ESRRG: variants seen among roughly 807,000 people sequenced by gnomAD.
The protein encoded by ESRRG is estrogen-related receptor gamma.
A neutral mutation model predicts 44.0 loss-of-function variants in ESRRG; 13 were observed. The observed-to-expected ratio is 0.30, with a 90% CI of 0.19 to 0.47. The LOEUF (loss-of-function observed/expected upper bound fraction) is 0.47. Among genes scored for constraint, ESRRG ranks in the 20% least tolerant of loss-of-function variants. The pLI, the probability that ESRRG is intolerant of heterozygous loss-of-function variation, is 1.00. For synonymous variants in ESRRG, 215 were observed against 214.6 expected (o/e 1.00, Z -0.02); for missense variants, 395 against 580.6 (o/e 0.68, Z 3.29).
chr1:216,547,253 T>TTGATGATGATGATGA (rs55716294), intron 5 of ESRRG, among the ~76,000 whole-genome samples: 21 of 150,750 alleles, frequency 1.4e-4, no homozygotes, highest in African/African-American at 4.4e-4. Flanking sequence ...GTTGATGTTG[T>TTGATGATGATGATGA]TGATGATGAT....
chr1:217,058,459 TA>T (rs947649420), intron 1 of ESRRG, among the ~76,000 whole-genome samples: 3 of 152,110 alleles, frequency 2.0e-5, no homozygotes, highest in Non-Finnish European at 4.4e-5. Context: ...AACATCAGCA[TA>T]AGGACTGGCA....
chr1:216,633,992 T>A (rs144685670), intron 3 of ESRRG, among the ~76,000 whole-genome samples: 2 of 152,312 alleles, frequency 1.3e-5, no homozygotes, highest in African/African-American at 2.4e-5. Flanking sequence ...TAATTACAGT[T>A]ATTGATGACA....
rs547509738 is a variant in ESRRG, at chr1:216,741,104, T to C, written c.-13-63613A>G. Among the ~76,000 whole-genome samples the C allele has an allele frequency of 4.6e-5, 7 of 150,976 alleles. No individual in the cohort carries two copies. The East Asian group carries it at 1.2e-3, about 25-fold the overall frequency. On this transcript the variant is annotated intron_variant, in intron 2 of 7. Transcript: ENST00000359162. ...CCCCATATGGGAAGACTGTCCAACA[T>C]AATGGGATAGCATTGGATATAAAAA... is the stretch of plus-strand genomic sequence containing the variant.
chr1:217,008,497 ATAC>A (rs1026797035), intron 1 of ESRRG, among the ~76,000 whole-genome samples: 2 of 152,164 alleles, frequency 1.3e-5, no homozygotes, highest in African/African-American at 4.8e-5. Flanking sequence ...CATAGGCAAC[ATAC>A]TACATTTACT....
intron 3 of ESRRG, among the ~76,000 whole-genome samples, chr1:216,649,802 T>C (rs905387878): frequency 1.3e-5 from 2 of 152,134 alleles, no homozygotes; most frequent in Non-Finnish European, 2.9e-5. Flanking sequence ...TCCACTCATC[T>C]TCCTATAATA....
At chr1:217,093,306 A>G (rs1399759792), upstream of ESRRG, among the ~76,000 whole-genome samples, 1 of 152,156 alleles carries the variant, frequency 6.6e-6, no homozygotes, top group Non-Finnish European at 1.5e-5. Context: ...CTCCAAGCTT[A>G]CAAGTATGAC....
chr1:216,761,276 A>G (rs1018550103), intron 2 of ESRRG, among the ~76,000 whole-genome samples: 4 of 151,950 alleles, frequency 2.6e-5, no homozygotes, highest in African/African-American at 9.7e-5. Context: ...TAGATCTTCT[A>G]GAGTCAGCTC....
chr1:216,709,246 C>T (rs56956026), intron 1 of ESRRG, among the ~76,000 whole-genome samples: 2,924 of 151,532 alleles, frequency 0.019, 91 homozygotes, highest in African/African-American at 0.067. Context: ...AATGACAATA[C>T]ATATACATGC....
chr1:217,128,352 T>C (rs1056028980), intron 1 of ESRRG, among the ~76,000 whole-genome samples: 2 of 152,226 alleles, frequency 1.3e-5, no homozygotes, highest in African/African-American at 4.8e-5. Context: ...AGTTTTGTCT[T>C]AAAAATGTTT....
rs11572562 is a variant in ESRRG at position 216,852,688 on chromosome 1, T to C, written c.-14+86894A>G. ...ATAGGATGCTCAATAATCATAGAAGTTTTGAGCAAAAACAGTTGAATAATC... is the reference window on the plus strand; with the variant it reads ...ATAGGATGCTCAATAATCATAGAAGCTTTGAGCAAAAACAGTTGAATAATC... On this transcript the variant is annotated intron_variant, in intron 2 of 7. Transcript: ENST00000359162. Among the ~76,000 whole-genome samples the C allele has an allele frequency of 7.0e-4, 106 of 152,224 alleles. 3 individuals carry two copies. In the South Asian group the frequency reaches 0.022, roughly 31 times the overall value.
intron 2 of ESRRG, among the ~76,000 whole-genome samples, chr1:216,811,467 G>T (rs1243593300): frequency 6.6e-6 from 1 of 151,984 alleles, no homozygotes; most frequent in Non-Finnish European, 1.5e-5. Context: ...CTCTCCTATT[G>T]GTCATTTATG....
At chr1:217,020,178 G>A (rs2080071115) in intron 1 of ESRRG, among the ~76,000 whole-genome samples, 1 of 152,058 alleles carries the variant, frequency 6.6e-6, no homozygotes, top group Admixed American at 6.6e-5. Context: ...TAATCCCGGG[G>A]AAAAACAGCA....
intron 3 of ESRRG, among the ~76,000 whole-genome samples, chr1:216,630,972 T>G (rs1157009250): frequency 6.6e-6 from 1 of 152,158 alleles, no homozygotes; most frequent in Non-Finnish European, 1.5e-5. Context: ...ATGTTCCTGT[T>G]TTCTTTTTTT....
chr1:217,112,869 T>G (rs977795195), intron 1 of ESRRG, among the ~76,000 whole-genome samples: 1 of 152,206 alleles, frequency 6.6e-6, no homozygotes, highest in Non-Finnish European at 1.5e-5. Context: ...GAAAGCTTTG[T>G]AGACCCTCTC....
intron 5 of ESRRG, among the ~76,000 whole-genome samples, chr1:216,562,921 G>A (rs2059049146): frequency 6.6e-6 from 1 of 152,000 alleles, no homozygotes; most frequent in African/African-American, 2.4e-5. Flanking sequence ...ATCAACAATT[G>A]TCTTACATCT....
intron 5 of ESRRG, among the ~76,000 whole-genome samples, chr1:216,552,237 A>T (rs2056547564): frequency 6.6e-6 from 1 of 152,160 alleles, no homozygotes; most frequent in African/African-American, 2.4e-5. Context: ...ATAATATAGG[A>T]AAAAGTTAAG....
upstream of ESRRG, among the ~76,000 whole-genome samples, chr1:216,723,924 T>C (rs2086945055): frequency 1.3e-5 from 2 of 152,308 alleles, no homozygotes; most frequent in African/African-American, 4.8e-5. Context: ...CCTGCCGTTG[T>C]CTGTGTTTTT....
chr1:216,850,650 G>A (rs1019908325), intron 2 of ESRRG, among the ~76,000 whole-genome samples: 3 of 151,890 alleles, frequency 2.0e-5, no homozygotes, highest in African/African-American at 7.3e-5. Flanking sequence ...TTAAATATAT[G>A]CAAAATTAAA....
At chr1:217,003,587 A>C (rs1560437161) in intron 1 of ESRRG, among the ~76,000 whole-genome samples, 1 of 148,488 alleles carries the variant, frequency 6.7e-6, no homozygotes, top group Non-Finnish European at 1.5e-5. Context: ...ATAAGTATTA[A>C]TATTAATTAA....
Sources: gnomAD v4.1 joint callset for allele counts (sites outside exome capture counted in the v4.1 genomes callset) on GRCh38, gnomAD v4.1.1 for gene constraint, MANE v1.5 for transcripts, NCBI Gene and HGNC (gene_info 2026-07-23, HGNC 2026-07-21) for gene names.